Variants in CARD8 observed in about 807,000 individuals in gnomAD.
CARD8 encodes caspase recruitment domain family member 8.
CARD8 carries 38 observed loss-of-function variants against 53.2 expected under a neutral mutation model. That is an observed-to-expected ratio of 0.71 (90% confidence interval 0.55 to 0.94). CARD8 has a LOEUF of 0.94. Among genes scored for constraint, CARD8 ranks in the 40% least tolerant of loss-of-function variants. The probability of loss-of-function intolerance (pLI) is 0.00; values close to 1 mark genes in which losing one functional copy is unlikely to be tolerated. For synonymous variants in CARD8, 245 were observed against 244.9 expected, an observed-to-expected ratio of 1.00 and a Z score of 0.00; for missense variants, 561 against 655.5, an observed-to-expected ratio of 0.86 and a Z score of 1.57.
At chr19:48,230,049 G>A (rs1252598611) in intron 10 of CARD8, among the ~76,000 whole-genome samples, 1 of 152,156 alleles carries the variant, frequency 6.6e-6, no homozygotes, top group African/African-American at 2.4e-5. Flanking sequence ...AGAAGTGGAT[G>A]TTGCAGTGAG....
At chr19:48,241,552 G>A (rs2045101987) in intron 3 of CARD8, among the ~76,000 whole-genome samples, 2 of 152,260 alleles carry the variant, frequency 1.3e-5, no homozygotes, top group South Asian at 4.1e-4. Context: ...ACCGTGCCCT[G>A]CCGGATTTTT....
chr19:48,208,239 G>C lies in CARD8; in HGVS notation c.*3471C>G, dbSNP rs1338075118. ...GTCCTTACGATCACAATCATGAAGA[G>C]GATGGAGCTGCAGAATCTGAGCATA... On this transcript the variant is annotated 3_prime_UTR_variant, in exon 14 of 14. Transcript: ENST00000651546. 1 of 152,144 alleles carries C rather than the reference G, an allele frequency of 6.6e-6. No individual in the cohort carries two copies. Among genetic ancestry groups the C allele is most frequent in the Non-Finnish European group, 1.5e-5 (1 of 68,030 alleles). 9.4% of individuals were successfully genotyped at this position (152,144 alleles called of 1,614,324 possible). A position where few individuals can be genotyped will look rare whatever the true frequency, so the allele number is the denominator to read the frequency against.
Position 48,255,239 on chromosome 19 carries a change from G to C in CARD8, c.-252+553C>G, listed in dbSNP as rs528335156. 3.3e-5 allele frequency among the ~76,000 whole-genome samples: 5 copies of C among 152,204 alleles called. No individual in the cohort carries two copies. The South Asian group carries it at 6.2e-4, about 19-fold the overall frequency. On this transcript the variant is annotated intron_variant, in intron 1 of 13. Transcript: ENST00000651546. ...AAATTAGCTGGATGTGGTGGTGCAC[G>C]CCTGTAGTCCCAGCTACTTGGGAGA...
At chr19:48,241,332 A>T (rs1335642294) in intron 3 of CARD8, among the ~76,000 whole-genome samples, 5 of 152,108 alleles carry the variant, frequency 3.3e-5, no homozygotes, top group Admixed American at 3.3e-4. Flanking sequence ...CTTGACTCAC[A>T]GCAACCTCCA....
At chr19:48,237,941 A>G (rs1176546138) in intron 5 of CARD8, among the ~76,000 whole-genome samples, 9 of 152,062 alleles carry the variant, frequency 5.9e-5, no homozygotes. Context: ...CCCAGGCTGG[A>G]GTGCAGTTGC....
At position 48,210,555 on chromosome 19, in the gene CARD8, C is replaced by G. The variant is rs187064032; in HGVS notation, c.*1155G>C. The G allele has an allele frequency of 6.6e-6, 1 of 151,960 alleles. No homozygotes were observed. Among genetic ancestry groups the G allele is most frequent in the East Asian group, 1.9e-4 (1 of 5,180 alleles). 9.4% of individuals were successfully genotyped at this position (151,960 alleles called of 1,614,324 possible). A position where few individuals can be genotyped will look rare whatever the true frequency, so the allele number is the denominator to read the frequency against. ...AAGATTATGTAGAAGATAACTATATCCTAGATGAGAAAAGGTAATAGGATC... is the reference window on the plus strand; with the variant it reads ...AAGATTATGTAGAAGATAACTATATGCTAGATGAGAAAAGGTAATAGGATC... On this transcript the variant is annotated 3_prime_UTR_variant, in exon 14 of 14. Transcript: ENST00000651546.
chr19:48,228,995 A>C (rs2042321019), intron 10 of CARD8, among the ~76,000 whole-genome samples: 1 of 152,008 alleles, frequency 6.6e-6, no homozygotes, highest in African/African-American at 2.4e-5. Context: ...AAAAATTACC[A>C]GGACGTGGTG....
At chr19:48,242,445 A>C (rs546339731) in intron 3 of CARD8, 2 of 152,456 alleles carry the variant, frequency 1.3e-5, no homozygotes, top group Non-Finnish European at 2.9e-5. Flanking sequence ...AAAGTGACTA[A>C]GACAGGCATC....
At chr19:48,231,101 A>G in intron 8 of CARD8, 95 bp from the exon 9 acceptor site, 2 of 1,007,170 alleles carry the variant, frequency 2.0e-6, no homozygotes, top group Non-Finnish European at 3.1e-6. Context: ...AAGTGAGGCA[A>G]GGTTCAGGAC....
chr19:48,233,878 T>C (rs2043374975), intron 6 of CARD8: 1 of 159,298 alleles, frequency 6.3e-6, no homozygotes, highest in African/African-American at 2.4e-5. Context: ...GCCCTTGAGG[T>C]TATTTATGTC....
chr19:48,205,675 CAG>C (rs983014235), downstream of CARD8, among the ~76,000 whole-genome samples: 3 of 152,154 alleles, frequency 2.0e-5, no homozygotes, highest in Non-Finnish European at 4.4e-5. Context: ...AACTGCACCA[CAG>C]AGAGGTTAAA....
chr19:48,238,569 T>C, intron 4 of CARD8, 37 bp from the exon 5 acceptor site: 3 of 1,528,748 alleles, frequency 2.0e-6, no homozygotes, highest in Non-Finnish European at 2.6e-6. Context: ...TGTGAGCATG[T>C]CAGAGGAGCT....
chr19:48,238,981 G>C (rs1040715963), intron 4 of CARD8, among the ~76,000 whole-genome samples: 1 of 152,152 alleles, frequency 6.6e-6, no homozygotes, highest in Non-Finnish European at 1.5e-5. Flanking sequence ...TGTTCATCAC[G>C]GTCTGTCACA....
intron 10 of CARD8, chr19:48,223,857 C>T (rs763262992): frequency 2.6e-5 from 12 of 456,058 alleles, no homozygotes; most frequent in Non-Finnish European, 4.8e-5. Context: ...TCCTCAGCCT[C>T]TAAAATAGTG....
intron 5 of CARD8, among the ~76,000 whole-genome samples, chr19:48,237,124 C>A (rs1182789363): frequency 6.6e-6 from 1 of 151,952 alleles, no homozygotes; most frequent in African/African-American, 2.4e-5. Context: ...TGAGACTAGG[C>A]AATTTACAAA....
At chr19:48,229,368 G>T (rs756823258) in intron 10 of CARD8, among the ~76,000 whole-genome samples, 1 of 152,168 alleles carries the variant, frequency 6.6e-6, no homozygotes, top group Non-Finnish European at 1.5e-5. Context: ...GGAAAAGGGT[G>T]GGCTCAGAAT....
At position 48,208,908 on chromosome 19, in the gene CARD8, CGGGAG is replaced by C. The variant is rs2037598195; in HGVS notation, c.*2797_*2801del. ...CTGAGGCAAGAGAATCGCTTGAGCC[CGGGAG>C]ACAGAGGCTGCAGTGAGCTGAGATC... On this transcript the variant is annotated 3_prime_UTR_variant, in exon 14 of 14. Coordinates refer to ENST00000651546, the MANE Select transcript of CARD8 (RefSeq NM_001184900.3). 1 of 145,932 alleles carries C rather than the reference CGGGAG, an allele frequency of 6.9e-6. No individual in the cohort carries two copies. Among genetic ancestry groups the C allele is most frequent in the East Asian group, 2.0e-4 (1 of 4,906 alleles). The allele number at this position is 145,932 out of a possible 1,614,324, so 9.0% of individuals were successfully genotyped here. A position where few individuals can be genotyped will look rare whatever the true frequency, so the allele number is the denominator to read the frequency against.
chr19:48,207,747 T>TG (rs1326234561), downstream of CARD8, among the ~76,000 whole-genome samples: 14 of 139,800 alleles, frequency 1.0e-4, no homozygotes, highest in Admixed American at 2.2e-4. Context: ...TTTTTTTTTT[T>TG]TTTTTTGAGA....
intron 6 of CARD8, chr19:48,232,876 T>C (rs1358823032): frequency 2.3e-6 from 1 of 439,104 alleles, no homozygotes; most frequent in East Asian, 6.8e-5. Flanking sequence ...TTGAGCCAAA[T>C]GTGTCTTGAC....
Sources: allele counts gnomAD v4.1 joint callset (sites outside exome capture counted in the v4.1 genomes callset), GRCh38; gene constraint gnomAD v4.1.1; transcripts MANE v1.5; gene names NCBI Gene and HGNC (gene_info 2026-07-23, HGNC 2026-07-21).